The following RANBP2 variants were observed in gnomAD, a reference collection of about 807,000 sequenced individuals.
RANBP2 encodes E3 SUMO-protein ligase RanBP2.
Under a neutral mutation model 303.6 loss-of-function variants are expected in RANBP2, and 57 were observed. That is an observed-to-expected ratio of 0.19 (90% CI 0.15 to 0.23). RANBP2 has a LOEUF of 0.23. Ranked by LOEUF, RANBP2 falls within the 10% of genes least tolerant of loss-of-function variation. RANBP2 has a pLI of 1.00. For missense variants in RANBP2, 3,138 were observed against 3,780.8 expected (o/e 0.83, Z 4.46); for synonymous variants, 1,167 against 1,301.5 (o/e 0.90, Z 2.23).
chr2:109,396,744 C>T, the RANBP2 span, among the ~76,000 whole-genome samples: 2 of 152,086 alleles, frequency 1.3e-5, no homozygotes, highest in Admixed American at 6.5e-5. Flanking sequence ...CACCTGCGGG[C>T]CTCACATGCA....
chr2:109,486,871 C>T, the RANBP2 span, among the ~76,000 whole-genome samples: 3 of 152,194 alleles, frequency 2.0e-5, no homozygotes, highest in African/African-American at 4.8e-5. Flanking sequence ...ATCTGTCTCC[C>T]GCCCAGGCCA....
the RANBP2 span, chr2:109,501,578 G>A: frequency 1.3e-6 from 1 of 779,750 alleles, no homozygotes; most frequent in Admixed American, 1.7e-5. Flanking sequence ...TCGTCTTTGT[G>A]CACAAGAAGC....
chr2:109,346,432 T>C, the RANBP2 span, among the ~76,000 whole-genome samples: 1 of 152,224 alleles, frequency 6.6e-6, no homozygotes, highest in African/African-American at 2.4e-5. Context: ...GAAGAACTCC[T>C]TGGCATAGGC....
the RANBP2 span, among the ~76,000 whole-genome samples, chr2:109,099,233 G>A: frequency 1.6e-4 from 25 of 152,294 alleles, no homozygotes; most frequent in African/African-American, 5.8e-4. Flanking sequence ...TTCACTTTGG[G>A]CGGAGACTTA....
At chr2:109,031,914 TC>T in the RANBP2 span, among the ~76,000 whole-genome samples, 1 of 38,312 alleles carries the variant, frequency 2.6e-5, no homozygotes, top group African/African-American at 1.1e-4. Context: ...CTTCTTCCCC[TC>T]CCCCCACATC....
chr2:109,497,158 G>A, the RANBP2 span, among the ~76,000 whole-genome samples: 3 of 152,282 alleles, frequency 2.0e-5, no homozygotes, highest in Middle Eastern at 3.4e-3. Context: ...ATGGTCATTC[G>A]TTATAGCCAT....
At chr2:109,615,463 C>T in the RANBP2 span, 6 of 1,613,360 alleles carry the variant, frequency 3.7e-6, no homozygotes, top group Non-Finnish European at 4.2e-6. Context: ...GTCAACTTCG[C>T]CAACAAACAC....
the RANBP2 span, among the ~76,000 whole-genome samples, chr2:108,999,243 T>C: frequency 6.6e-6 from 1 of 152,206 alleles, no homozygotes; most frequent in Non-Finnish European, 1.5e-5. Flanking sequence ...CTTCATAGGA[T>C]TGATGTGAGC....
chr2:109,064,244 C>G, the RANBP2 span, among the ~76,000 whole-genome samples: 2 of 151,846 alleles, frequency 1.3e-5, no homozygotes, highest in Non-Finnish European at 1.5e-5. Flanking sequence ...CCGAGGTGGG[C>G]GGATCACAAG....
chr2:108,790,695 C>T (rs538265238), downstream of RANBP2, among the ~76,000 whole-genome samples: 4 of 152,100 alleles, frequency 2.6e-5, no homozygotes, highest in South Asian at 2.1e-4. Context: ...AGTGAGACTC[C>T]GTCTCAAAAA....
chr2:108,908,982 AAGGTGAGGTGGAGC>A, the RANBP2 span, among the ~76,000 whole-genome samples: 1 of 151,950 alleles, frequency 6.6e-6, no homozygotes, highest in South Asian at 2.1e-4. Flanking sequence ...CACTCGAGAG[AAGGTGAGGTGGAGC>A]AGGTGAGGTG....
At chr2:108,757,969 T>G (rs1676441866) in intron 17 of RANBP2, among the ~76,000 whole-genome samples, 1 of 152,170 alleles carries the variant, frequency 6.6e-6, no homozygotes, top group African/African-American at 2.4e-5. Context: ...CAGCACCAGG[T>G]ACCTAGAACT....
chr2:108,763,355 A>G lies in RANBP2; in HGVS notation c.2816A>G (p.Tyr939Cys), dbSNP rs748260279. 2 of 1,613,914 alleles carry G rather than the reference A, an allele frequency of 1.2e-6. No homozygotes were observed. Among genetic ancestry groups the G allele is most frequent in the Middle Eastern group, 1.6e-4 (1 of 6,062 alleles). ...SSACMFSQEM[Y>C]GPPALRFESP... is the part of the protein sequence containing the mutation. ...GCTTGTATGTTCTCTCAGGAGATGT[A>G]TGGTCCTCCTGCATTGCGTTTTGAG... is the stretch of plus-strand genomic sequence containing the variant. Residue 939 changes from tyrosine to cysteine, a missense_variant, in exon 20 of 29, where the codon TAT becomes TGT. By Grantham distance (194) the Tyr-to-Cys change is radical. Coordinates refer to ENST00000283195, the MANE Select transcript of RANBP2 (RefSeq NM_006267.5).
the RANBP2 span, among the ~76,000 whole-genome samples, chr2:109,603,181 T>C: frequency 1.3e-5 from 2 of 152,132 alleles, no homozygotes; most frequent in Non-Finnish European, 2.9e-5. Flanking sequence ...TATCAATGCT[T>C]ATTGTTTTTC....
the RANBP2 span, among the ~76,000 whole-genome samples, chr2:109,186,989 G>C: frequency 6.6e-6 from 1 of 152,104 alleles, no homozygotes; most frequent in African/African-American, 2.4e-5. Context: ...CTAGAAGTTT[G>C]CTCGTCTCCC....
chr2:108,786,824 T>G (rs770327350), downstream of RANBP2: 1 of 1,589,060 alleles, frequency 6.3e-7, no homozygotes, highest in East Asian at 2.3e-5. Flanking sequence ...CTGTGTGCTA[T>G]GGAGCCGAGG....
chr2:109,301,967 C>T, the RANBP2 span, among the ~76,000 whole-genome samples: 1 of 152,202 alleles, frequency 6.6e-6, no homozygotes, highest in Admixed American at 6.5e-5. Context: ...TGCATGTCTT[C>T]CTGGACCTGT....
chr2:109,681,963 T>C, the RANBP2 span, among the ~76,000 whole-genome samples: 1 of 152,240 alleles, frequency 6.6e-6, no homozygotes, highest in African/African-American at 2.4e-5. Flanking sequence ...ACTGAGGCAC[T>C]TGCTGTAAAC....
intron 18 of RANBP2, among the ~76,000 whole-genome samples, chr2:108,760,663 G>A (rs1169980418): frequency 6.6e-6 from 1 of 152,048 alleles, no homozygotes; most frequent in Non-Finnish European, 1.5e-5. Context: ...TACTAGTCAT[G>A]GTCAACAATT....
Sources: allele counts gnomAD v4.1 joint callset (sites outside exome capture counted in the v4.1 genomes callset), GRCh38; gene constraint gnomAD v4.1.1; transcripts MANE v1.5; gene names NCBI Gene and HGNC (gene_info 2026-07-23, HGNC 2026-07-21).